Variants in FSTL5 observed in about 807,000 individuals in gnomAD.
FSTL5 encodes the protein follistatin like 5.
In FSTL5, 62 loss-of-function variants were observed where a neutral mutation model predicts 89.1. The ratio of observed to expected loss-of-function variants is 0.70; its 90% CI spans 0.57 to 0.86. The LOEUF (loss-of-function observed/expected upper bound fraction) is 0.86. Ranked by LOEUF, FSTL5 falls within the 40% of genes least tolerant of loss-of-function variation. FSTL5 has a pLI of 0.00. For missense variants in FSTL5, 1,057 were observed against 1,001.6 expected, an observed-to-expected ratio of 1.06 and a Z score of -0.75; for synonymous variants, 383 against 346.2, an observed-to-expected ratio of 1.11 and a Z score of -1.18.
chr4:162,001,904 A>G (rs1736475578), intron 3 of FSTL5, among the ~76,000 whole-genome samples: 1 of 152,106 alleles, frequency 6.6e-6, no homozygotes, highest in South Asian at 2.1e-4. Context: ...CATTTCAGGC[A>G]TCATGATGGT....
intron 12 of FSTL5, among the ~76,000 whole-genome samples, chr4:161,495,648 C>G (rs912985020): frequency 6.6e-6 from 1 of 152,046 alleles, no homozygotes; most frequent in Non-Finnish European, 1.5e-5. Context: ...TTATTTACAG[C>G]AAGCAAATAC....
chr4:161,540,292 A>G (rs1029135846), intron 9 of FSTL5, among the ~76,000 whole-genome samples: 8 of 152,148 alleles, frequency 5.3e-5, no homozygotes, highest in Non-Finnish European at 7.4e-5. Flanking sequence ...AGGACATTCA[A>G]AACTACTTGC....
intron 8 of FSTL5, 24 bp downstream of exon 8, chr4:161,587,431 A>G (rs377639363): frequency 2.6e-4 from 421 of 1,610,852 alleles, no homozygotes; most frequent in Non-Finnish European, 3.3e-4. Context: ...TTGAATAGTT[A>G]GGGTAACAAA....
At chr4:161,650,794 TTAGAC>T (rs1169325034) in intron 7 of FSTL5, among the ~76,000 whole-genome samples, 1 of 152,176 alleles carries the variant, frequency 6.6e-6, no homozygotes, top group Admixed American at 6.5e-5. Flanking sequence ...TGTGTTGAAT[TTAGAC>T]TGGACTATAT....
chr4:161,528,852 G>T (rs1731318596), intron 10 of FSTL5, among the ~76,000 whole-genome samples: 1 of 142,706 alleles, frequency 7.0e-6, no homozygotes, highest in African/African-American at 2.5e-5. Flanking sequence ...GAAATACAAC[G>T]TTAGTATGTA....
intron 4 of FSTL5, among the ~76,000 whole-genome samples, chr4:161,785,249 A>G (rs1230416305): frequency 6.6e-6 from 1 of 152,212 alleles, no homozygotes; most frequent in Non-Finnish European, 1.5e-5. Flanking sequence ...GTCTTGGGTG[A>G]AAGTACAGCT....
intron 6 of FSTL5, among the ~76,000 whole-genome samples, chr4:161,663,061 C>T (rs1040884145): frequency 2.2e-4 from 33 of 152,172 alleles, no homozygotes; most frequent in African/African-American, 7.2e-4. Context: ...CAGGAAAGAC[C>T]GGCCCCCATG....
intron 4 of FSTL5, among the ~76,000 whole-genome samples, chr4:161,905,022 G>A (rs990598869): frequency 1.3e-5 from 2 of 151,886 alleles, no homozygotes; most frequent in African/African-American, 2.4e-5. Context: ...GGCAGTTGGA[G>A]ACATTATGCT....
At chr4:161,633,653 C>T (rs1405637651) in intron 7 of FSTL5, among the ~76,000 whole-genome samples, 1 of 151,952 alleles carries the variant, frequency 6.6e-6, no homozygotes, top group Admixed American at 6.6e-5. Context: ...CCTAGCTTCC[C>T]CTTTTATTCA....
chr4:161,857,397 TA>T (rs1038512074), intron 4 of FSTL5, among the ~76,000 whole-genome samples: 12 of 152,206 alleles, frequency 7.9e-5, no homozygotes, highest in African/African-American at 2.7e-4. Context: ...CATTTGGAAT[TA>T]TTTTTTTCTA....
At chr4:161,539,915 T>C (rs1731759505) in intron 9 of FSTL5, among the ~76,000 whole-genome samples, 1 of 151,774 alleles carries the variant, frequency 6.6e-6, no homozygotes, top group Admixed American at 6.6e-5. Context: ...TTTTTTTTTT[T>C]TTTTCAGGAT....
chr4:161,923,268 AT>A (rs1734040686), intron 3 of FSTL5, among the ~76,000 whole-genome samples: 1 of 150,066 alleles, frequency 6.7e-6, no homozygotes, highest in African/African-American at 2.5e-5. Flanking sequence ...CTTTGTGCAA[AT>A]AAACTCTGTT....
chr4:161,569,564 A>G (rs995269353), intron 8 of FSTL5, among the ~76,000 whole-genome samples: 11 of 152,194 alleles, frequency 7.2e-5, no homozygotes, highest in Non-Finnish European at 1.5e-5. Flanking sequence ...TTTGCTCAAG[A>G]TACCAAGTAG....
intron 6 of FSTL5, among the ~76,000 whole-genome samples, chr4:161,753,898 C>T (rs112643783): frequency 0.08 from 12,112 of 151,602 alleles, 908 homozygotes; most frequent in African/African-American, 0.2. Context: ...AAAAATTAGC[C>T]GGGCGTGGTG....
intron 4 of FSTL5, among the ~76,000 whole-genome samples, chr4:161,816,463 C>T (rs1246049807): frequency 2.0e-5 from 3 of 152,086 alleles, no homozygotes; most frequent in African/African-American, 2.4e-5. Flanking sequence ...CCCTACCACA[C>T]GATGTAACAT....
At chr4:161,968,322 A>G (rs1225780120) in intron 3 of FSTL5, among the ~76,000 whole-genome samples, 2 of 152,130 alleles carry the variant, frequency 1.3e-5, no homozygotes, top group East Asian at 3.9e-4. Flanking sequence ...ATAAAATTAA[A>G]TACACATGGA....
intron 1 of FSTL5, among the ~76,000 whole-genome samples, chr4:162,134,638 A>T (rs1334416248): frequency 6.6e-6 from 1 of 152,216 alleles, no homozygotes; most frequent in African/African-American, 2.4e-5. Context: ...GGAGATTGTA[A>T]TTTCATAGTC....
At chr4:161,992,904 G>A (rs376066310) in intron 3 of FSTL5, among the ~76,000 whole-genome samples, 7 of 62,284 alleles carry the variant, frequency 1.1e-4, no homozygotes, top group Admixed American at 2.0e-4. Flanking sequence ...ATATGTGTGT[G>A]TATATATATA....
chr4:161,782,284 G>A (rs916027774), intron 4 of FSTL5, among the ~76,000 whole-genome samples: 6 of 152,110 alleles, frequency 3.9e-5, no homozygotes, highest in South Asian at 2.1e-4. Flanking sequence ...GCATGATATG[G>A]TAAGAATATA....
Sources: gnomAD v4.1 joint callset for allele counts (sites outside exome capture counted in the v4.1 genomes callset) on GRCh38, gnomAD v4.1.1 for gene constraint, MANE v1.5 for transcripts, NCBI Gene and HGNC (gene_info 2026-07-23, HGNC 2026-07-21) for gene names.